Variants in THSD7A observed in about 807,000 individuals in gnomAD.
THSD7A encodes thrombospondin type-1 domain-containing protein 7A.
A neutral mutation model predicts 231.3 loss-of-function variants in THSD7A; 96 were observed. The observed-to-expected ratio is 0.41, with a 90% CI of 0.35 to 0.49. THSD7A has a LOEUF of 0.49. THSD7A is among the 20% of genes least tolerant of loss of function. The pLI, the probability that THSD7A is intolerant of heterozygous loss-of-function variation, is 0.05. For missense variants in THSD7A, 2,290 were observed against 2,070.2 expected, an observed-to-expected ratio of 1.11 and a Z score of -2.06; for synonymous variants, 940 against 743.3, an observed-to-expected ratio of 1.26 and a Z score of -4.30.
rs766750838 is a variant in THSD7A at position 11,636,323 on chromosome 7, G to T, written c.829C>A (p.Arg277Ser). 2 of 1,613,540 alleles carry T rather than the reference G, an allele frequency of 1.2e-6. No individual in the cohort carries two copies. The highest frequency in any genetic ancestry group is 8.5e-7 in the Non-Finnish European group (1 of 1,179,864). Residue 277 changes from arginine to serine, a missense_variant, in exon 2 of 28, where the codon CGC (arginine) becomes AGC (serine). By Grantham distance (110) the Arg-to-Ser change is moderately radical (BLOSUM62 -1). Transcript: ENST00000423059. This position sits in a 1 kb window ranked among gnomAD's most constrained non-coding sequence, Gnocchi z 10.0. ...TTTTCCCGTTCTTTATTCTTCCCGC[G>T]TCTCCTTGCTTGTCTTACTTGTCGG... Reference protein sequence around the residue: ...HSRQVRQARRRGKNKEREKDR... With the variant: ...HSRQVRQARRSGKNKEREKDR...
At chr7:11,643,605 A>ACG (rs1562436248) in intron 1 of THSD7A, among the ~76,000 whole-genome samples, 2 of 121,372 alleles carry the variant, frequency 1.6e-5, no homozygotes, top group Middle Eastern at 4.2e-3. Flanking sequence ...GCACGCGCGC[A>ACG]CACACACACA....
intron 1 of THSD7A, among the ~76,000 whole-genome samples, chr7:11,658,992 C>T (rs1420680608): frequency 6.6e-6 from 1 of 151,620 alleles, no homozygotes; most frequent in Non-Finnish European, 1.5e-5. Context: ...TCAAACTGCA[C>T]TTTTAGAGGT....
At chr7:11,700,763 TTATC>T (rs1239367748) in intron 1 of THSD7A, among the ~76,000 whole-genome samples, 1 of 151,176 alleles carries the variant, frequency 6.6e-6, no homozygotes, top group Non-Finnish European at 1.5e-5. Context: ...TCTTATTGCC[TTATC>T]TATCTAATAA....
intron 11 of THSD7A, among the ~76,000 whole-genome samples, chr7:11,458,701 C>T (rs981586505): frequency 1.3e-4 from 20 of 152,070 alleles, no homozygotes; most frequent in African/African-American, 4.3e-4. Flanking sequence ...CCTTTTATCA[C>T]AGAGGGAGTG....
chr7:11,391,929 C>G (rs766571656), intron 23 of THSD7A, among the ~76,000 whole-genome samples: 8 of 152,128 alleles, frequency 5.3e-5, no homozygotes, highest in Non-Finnish European at 8.8e-5. Flanking sequence ...GCTGCACCCA[C>G]TGTCCAACGA....
intron 1 of THSD7A, among the ~76,000 whole-genome samples, chr7:11,722,069 G>A (rs1053253071): frequency 6.6e-6 from 1 of 151,860 alleles, no homozygotes; most frequent in Non-Finnish European, 1.5e-5. Flanking sequence ...AATAACAAGA[G>A]GACTCTAGCA....
chr7:11,477,054 C>A (rs1786220784), intron 7 of THSD7A, among the ~76,000 whole-genome samples: 2 of 151,996 alleles, frequency 1.3e-5, no homozygotes, highest in Middle Eastern at 3.2e-3. Context: ...ATTCAAAATC[C>A]AAAAATCAGA....
rs1019779657 is a variant in THSD7A, at chr7:11,444,867, A to T, written c.3064+1194T>A. On this transcript the variant is annotated intron_variant, in intron 13 of 27. Coordinates refer to ENST00000423059, the MANE Select transcript of THSD7A (RefSeq NM_015204.3). This position sits in a 1 kb window ranked among gnomAD's most constrained non-coding sequence, Gnocchi z 4.2. ...ATTAAACTATATATATAAAACTATC[A>T]TTATATATAACTATTTTATATATAT... is the stretch of plus-strand genomic sequence containing the variant. Among the ~76,000 whole-genome samples, 6 of 147,540 alleles carry T rather than the reference A, an allele frequency of 4.1e-5. No homozygotes were observed. The highest frequency in any genetic ancestry group is 1.5e-4 in the African/African-American group (6 of 40,638).
chr7:11,682,657 TG>T (rs1289535606), intron 1 of THSD7A, among the ~76,000 whole-genome samples: 1 of 152,040 alleles, frequency 6.6e-6, no homozygotes. Context: ...ACAGTAATAC[TG>T]GGGGACTTCA....
At position 11,469,871 on chromosome 7, in the gene THSD7A, G is replaced by A; in HGVS notation, c.2368+8C>T. On this transcript the variant is annotated splice_region_variant and intron_variant, in intron 9 of 27. Coordinates refer to ENST00000423059, the MANE Select transcript of THSD7A (RefSeq NM_015204.3). ...GGTGAACAGCCTTCCTAACTCTGCA[G>A]ACCATACCTTCTTTACACGAAGAGG... 1 of 1,567,320 alleles carries A rather than the reference G, an allele frequency of 6.4e-7. No homozygotes were observed. Among genetic ancestry groups the A allele is most frequent in the Non-Finnish European group, 8.7e-7 (1 of 1,148,112 alleles).
intron 4 of THSD7A, among the ~76,000 whole-genome samples, chr7:11,570,243 G>A (rs903219881): frequency 2.0e-5 from 3 of 152,142 alleles, no homozygotes; most frequent in Non-Finnish European, 4.4e-5. Flanking sequence ...AAATAAGCCA[G>A]GCACAGAAGG....
chr7:11,655,067 G>A (rs1442920599), intron 1 of THSD7A, among the ~76,000 whole-genome samples: 2 of 151,696 alleles, frequency 1.3e-5, no homozygotes, highest in Non-Finnish European at 2.9e-5. Flanking sequence ...CTAAGCCAGG[G>A]TCAGAACCCT....
intron 1 of THSD7A, among the ~76,000 whole-genome samples, chr7:11,755,224 G>C (rs934969353): frequency 1.3e-5 from 2 of 151,972 alleles, no homozygotes; most frequent in African/African-American, 4.8e-5. Flanking sequence ...AATTTCAACA[G>C]TGCCAAAATT....
chr7:11,813,271 T>C (rs1784583731), intron 1 of THSD7A, among the ~76,000 whole-genome samples: 2 of 152,234 alleles, frequency 1.3e-5, no homozygotes, highest in South Asian at 4.1e-4. Context: ...TCTTCCTAAA[T>C]GCACTTTTAT....
At chr7:11,708,759 A>G (rs955973651) in intron 1 of THSD7A, among the ~76,000 whole-genome samples, 4 of 150,792 alleles carry the variant, frequency 2.7e-5, no homozygotes, top group Admixed American at 2.0e-4. Flanking sequence ...TTATGATCCA[A>G]TATGCCAAAT....
At chr7:11,706,422 A>C (rs1780767916) in intron 1 of THSD7A, among the ~76,000 whole-genome samples, 1 of 150,882 alleles carries the variant, frequency 6.6e-6, no homozygotes, top group Non-Finnish European at 1.5e-5. Flanking sequence ...GAAAGTAAAG[A>C]AAAATAAGTG....
In THSD7A at chr7:11,459,007, G is replaced by A. The variant is rs184365878; in HGVS notation, c.2605+1655C>T. 5.0e-3 allele frequency among the ~76,000 whole-genome samples: 755 copies of A among 152,250 alleles called. 9 individuals carry two copies. The highest frequency in any genetic ancestry group is 0.017 in the African/African-American group (717 of 41,560). ...AAGGTTGTGCAGCTTATACGTCATT[G>A]TTTGGAACTGAGGCTGTTTTCACAC... On this transcript the variant is annotated intron_variant, in intron 11 of 27. Transcript: ENST00000423059.
chr7:11,389,837 G>A (rs1389442195), intron 23 of THSD7A, among the ~76,000 whole-genome samples: 4 of 152,120 alleles, frequency 2.6e-5, no homozygotes, highest in Non-Finnish European at 5.9e-5. Context: ...GCATTTGCTT[G>A]TCTGTAAAGA....
chr7:11,768,675 T>C (rs904572949), intron 1 of THSD7A, among the ~76,000 whole-genome samples: 1 of 152,180 alleles, frequency 6.6e-6, no homozygotes, highest in African/African-American at 2.4e-5. Context: ...GTCGGCAGAC[T>C]TCCCATGTGT....
Sources: allele counts gnomAD v4.1 joint callset (sites outside exome capture counted in the v4.1 genomes callset), GRCh38; gene constraint gnomAD v4.1.1; non-coding constraint Gnocchi (gnomAD v3.1); transcripts MANE v1.5; gene names NCBI Gene and HGNC (gene_info 2026-07-23, HGNC 2026-07-21).